The following SAMD5 variants were observed in gnomAD, a reference collection of about 807,000 sequenced individuals.
SAMD5 encodes sterile alpha motif domain-containing protein 5.
A neutral mutation model predicts 11.3 loss-of-function variants in SAMD5; 13 were observed. The ratio of observed to expected loss-of-function variants is 1.15; its 90% CI spans 0.75 to 1.83. The LOEUF (loss-of-function observed/expected upper bound fraction) is 1.83, where lower values mean the gene tolerates loss of function less well. SAMD5 is among the 40% of genes most tolerant of loss of function. The pLI, the probability that SAMD5 is intolerant of heterozygous loss-of-function variation, is 0.00. For synonymous variants in SAMD5, 129 were observed against 111.3 expected (o/e 1.16, Z -1.00); for missense variants, 255 against 239.1 (o/e 1.07, Z -0.44).
At chr6:147,902,243 T>C in the SAMD5 span, among the ~76,000 whole-genome samples, 1 of 152,186 alleles carries the variant, frequency 6.6e-6, no homozygotes, top group Non-Finnish European at 1.5e-5. Context: ...ATCACATTTG[T>C]TGCATTCAAA....
the SAMD5 span, among the ~76,000 whole-genome samples, chr6:147,888,505 T>C: frequency 6.6e-5 from 10 of 152,278 alleles, no homozygotes; most frequent in African/African-American, 2.2e-4. Flanking sequence ...GTCTTTTAGT[T>C]TGCATTGTTT....
chr6:147,828,104 C>A, the SAMD5 span, among the ~76,000 whole-genome samples: 1 of 152,062 alleles, frequency 6.6e-6, no homozygotes, highest in African/African-American at 2.4e-5. Flanking sequence ...CATTCTATAC[C>A]CCTGTCTTTG....
chr6:147,789,896 C>T, the SAMD5 span, among the ~76,000 whole-genome samples: 1 of 152,328 alleles, frequency 6.6e-6, no homozygotes, highest in Non-Finnish European at 1.5e-5. Flanking sequence ...GGTACCACAA[C>T]ACATCTATTA....
the SAMD5 span, among the ~76,000 whole-genome samples, chr6:147,748,199 A>G: frequency 2.0e-5 from 3 of 152,208 alleles, no homozygotes; most frequent in South Asian, 2.1e-4. Flanking sequence ...GGAGTCCACC[A>G]TGTAATGGGG....
the SAMD5 span, among the ~76,000 whole-genome samples, chr6:147,912,982 C>T: frequency 4.0e-5 from 6 of 151,768 alleles, no homozygotes; most frequent in African/African-American, 7.3e-5. Context: ...GGAAAATATA[C>T]AGTAAAGAGA....
At chr6:147,816,301 A>AAAAAAAAAAAAAAAAAAATATAT in the SAMD5 span, among the ~76,000 whole-genome samples, 1 of 66,356 alleles carries the variant, frequency 1.5e-5, no homozygotes, top group African/African-American at 1.0e-4. Context: ...AAAAAAAAAA[A>AAAAAAAAAAAAAAAAAAATATAT]ATATATATAT....
chr6:147,719,425 G>A (rs1453339158), intron 1 of SAMD5, among the ~76,000 whole-genome samples: 1 of 152,184 alleles, frequency 6.6e-6, no homozygotes, highest in Middle Eastern at 3.2e-3. Context: ...TTAGGCTCAA[G>A]AGAAACCAAA....
chr6:147,688,575 T>C lies in SAMD5; in HGVS notation c.163-48742T>C, dbSNP rs1248782515. On this transcript the variant is annotated intron_variant, in intron 1 of 1. Coordinates refer to the SAMD5 transcript ENST00000566741. ...GCCTTTATTGGGAGAGGTTCTCACC[T>C]GAATACCAGTGGACCTTGAAGGCCA... is the stretch of plus-strand genomic sequence containing the variant. Among the ~76,000 whole-genome samples, 4 of 152,242 alleles carry C rather than the reference T, an allele frequency of 2.6e-5. No homozygotes were observed. The East Asian group carries it at 7.7e-4, about 29-fold the overall frequency.
the SAMD5 span, among the ~76,000 whole-genome samples, chr6:147,800,731 T>C: frequency 1.1e-3 from 164 of 150,774 alleles, 1 homozygote; most frequent in Admixed American, 5.3e-3. Flanking sequence ...ATTATTACTG[T>C]TTTAAAAATA....
At chr6:147,811,438 T>C in the SAMD5 span, among the ~76,000 whole-genome samples, 1 of 152,112 alleles carries the variant, frequency 6.6e-6, no homozygotes, top group Non-Finnish European at 1.5e-5. Context: ...GTTAGGGAAT[T>C]TGGAGCTTTT....
the SAMD5 span, among the ~76,000 whole-genome samples, chr6:147,800,607 C>T: frequency 6.6e-5 from 10 of 152,244 alleles, no homozygotes; most frequent in Admixed American, 4.6e-4. Flanking sequence ...CCAGTTCGAG[C>T]TTCCCGGCTG....
In SAMD5 at chr6:147,566,332, TAG is replaced by T. The variant is rs1433955377; in HGVS notation, c.*1878_*1879del. ...AACTAGGGTCTTTAAAATTCCTAAG[TAG>T]ATTCTTTTGAGTGGTAGGGGAGTCT... On this transcript the variant is annotated 3_prime_UTR_variant, in exon 2 of 2. Transcript: ENST00000367474. The T allele has an allele frequency of 1.0e-6, 1 of 979,570 alleles. No individual in the cohort carries two copies. The highest frequency in any genetic ancestry group is 1.8e-5 in the African/African-American group (1 of 57,068). 60.7% of individuals were successfully genotyped at this position (979,570 alleles called of 1,614,324 possible).
At chr6:147,593,006 A>T (rs1428691216) in intron 1 of SAMD5, among the ~76,000 whole-genome samples, 1 of 151,258 alleles carries the variant, frequency 6.6e-6, no homozygotes, top group Non-Finnish European at 1.5e-5. Context: ...TATGTGGTAG[A>T]GTCCTGGGAT....
rs1410299736 is a variant in SAMD5, at chr6:147,711,793, G to A, written c.163-25524G>A. 2.0e-5 allele frequency among the ~76,000 whole-genome samples: 3 copies of A among 152,186 alleles called. No homozygotes were observed. The highest frequency in any genetic ancestry group is 4.4e-5 in the Non-Finnish European group (3 of 68,048). On this transcript the variant is annotated intron_variant, in intron 1 of 1. Transcript: ENST00000566741. This position sits in a 1 kb window ranked among gnomAD's most constrained non-coding sequence, Gnocchi z 4.1. The stretch of plus-strand genomic sequence containing the variant: ...CCTTACATCATGGAGTGTCATGTGC[G>A]TAAGTACACTTAATTAGATACTCTG...
At position 147,536,928 on chromosome 6, in the gene SAMD5, G is replaced by A. The variant is rs1788519662; in HGVS notation, c.460-27466G>A. Reference sequence around the variant, plus strand: ...TTATTTATCAGAAACCCACATTTAAGAGCACCTGTTAAATTTTATAGCTGA... The same window carrying A: ...TTATTTATCAGAAACCCACATTTAAAAGCACCTGTTAAATTTTATAGCTGA... On this transcript the variant is annotated intron_variant, in intron 1 of 1. Transcript: ENST00000367474. Among the ~76,000 whole-genome samples the A allele has an allele frequency of 2.6e-5, 4 of 152,088 alleles. No individual in the cohort carries two copies. In the South Asian group the frequency reaches 8.3e-4, roughly 32 times the overall value.
At chr6:147,852,464 A>AT in the SAMD5 span, among the ~76,000 whole-genome samples, 10,073 of 152,136 alleles carry the variant, frequency 0.066, 1,119 homozygotes, top group African/African-American at 0.23. Context: ...CATGTGTTTG[A>AT]TTTTTTCAGT....
chr6:147,906,768 G>C, the SAMD5 span, among the ~76,000 whole-genome samples: 5 of 152,096 alleles, frequency 3.3e-5, no homozygotes, highest in African/African-American at 1.2e-4. Flanking sequence ...GAAAAGTCTC[G>C]AGGCAGGTAG....
chr6:147,643,546 A>T (rs1442669022), intron 1 of SAMD5, among the ~76,000 whole-genome samples: 1 of 152,174 alleles, frequency 6.6e-6, no homozygotes, highest in Non-Finnish European at 1.5e-5. Context: ...GAGAAATACA[A>T]TCTCTAACTG....
intron 1 of SAMD5, among the ~76,000 whole-genome samples, chr6:147,651,315 A>G (rs1225980840): frequency 2.0e-5 from 3 of 152,186 alleles, no homozygotes; most frequent in Middle Eastern, 3.2e-3. Context: ...ATCCCCACAC[A>G]TTGTAGCCAC....
Sources: gnomAD v4.1 joint callset for allele counts (sites outside exome capture counted in the v4.1 genomes callset) on GRCh38, gnomAD v4.1.1 for gene constraint, Gnocchi (gnomAD v3.1) non-coding constraint, MANE v1.5 for transcripts, NCBI Gene and HGNC (gene_info 2026-07-23, HGNC 2026-07-21) for gene names.